ESRRB: variants seen among roughly 807,000 people sequenced by gnomAD.
ESRRB encodes the protein estrogen related receptor beta.
A neutral mutation model predicts 46.0 loss-of-function variants in ESRRB; 16 were observed. The ratio of observed to expected loss-of-function variants is 0.35; its 90% confidence interval spans 0.24 to 0.53. The LOEUF is 0.53. Among genes scored for constraint, ESRRB ranks in the 20% least tolerant of loss-of-function variants. The pLI is 0.93. For synonymous variants in ESRRB, 246 were observed against 259.6 expected, an observed-to-expected ratio of 0.95 and a Z score of 0.50; for missense variants, 488 against 607.4, an observed-to-expected ratio of 0.80 and a Z score of 2.07.
intron 3 of ESRRB, among the ~76,000 whole-genome samples, chr14:76,464,221 G>A (rs577844325): frequency 6.6e-6 from 1 of 152,310 alleles, no homozygotes; most frequent in East Asian, 1.9e-4. Context: ...CGAAGGGACA[G>A]GTTTGGAATC....
rs1566620948 is a variant in ESRRB, at chr14:76,499,684, C to T, written c.*1226C>T. On this transcript the variant is annotated 3_prime_UTR_variant, in exon 7 of 7. Transcript: ENST00000644823. ...CGCCAGCTCTCTGGCAGGACCCCTGCAGTCCCCCTGGCTGTGCCAGGTAAC... is the reference window on the plus strand; with the variant it reads ...CGCCAGCTCTCTGGCAGGACCCCTGTAGTCCCCCTGGCTGTGCCAGGTAAC... 3 of 678,226 alleles carry T rather than the reference C, an allele frequency of 4.4e-6. No individual in the cohort carries two copies. The highest frequency in any genetic ancestry group is 5.3e-6 in the Non-Finnish European group (2 of 374,794). 42.0% of individuals were successfully genotyped at this position (678,226 alleles called of 1,614,324 possible).
chr14:76,452,626 A>AAAAAAAAAAAACAAAAAAAAAAC (rs369877913), intron 2 of ESRRB, among the ~76,000 whole-genome samples: 1 of 124,278 alleles, frequency 8.0e-6, no homozygotes, highest in Non-Finnish European at 1.6e-5. Flanking sequence ...TCTCCAAAAA[A>AAAAAAAAAAAACAAAAAAAAAAC]AAAAACAAAA....
chr14:76,358,424 A>G (rs1005003435), intron 1 of ESRRB, among the ~76,000 whole-genome samples: 3 of 150,022 alleles, frequency 2.0e-5, no homozygotes, highest in African/African-American at 4.9e-5. Flanking sequence ...AAGAAAAGAA[A>G]AAGAAAAAAA....
chr14:76,337,999 C>A (rs559604301), intron 1 of ESRRB, among the ~76,000 whole-genome samples: 4 of 152,190 alleles, frequency 2.6e-5, no homozygotes, highest in African/African-American at 9.6e-5. Flanking sequence ...AGGTTTTATT[C>A]CCGAGCTGCC....
rs191406475 is a variant in ESRRB at position 76,486,774 on chromosome 14, G to A, written c.850+4015G>A. The stretch of plus-strand genomic sequence containing the variant: ...AGGCAGTGCTGCCTGCAGTGAGCCC[G>A]GCACAGGGACACCCCTGCACTCCCA... On this transcript the variant is annotated intron_variant, in intron 5 of 6. Coordinates refer to ENST00000644823, the MANE Select transcript of ESRRB (RefSeq NM_001379180.1). Among the ~76,000 whole-genome samples, 347 of 152,206 alleles carry A rather than the reference G, an allele frequency of 2.3e-3. 4 individuals carry two copies. The highest frequency in any genetic ancestry group is 6.8e-3 in the Middle Eastern group (2 of 294).
At chr14:76,478,134 C>A (rs1889653743) in intron 3 of ESRRB, among the ~76,000 whole-genome samples, 1 of 152,188 alleles carries the variant, frequency 6.6e-6, no homozygotes, top group African/African-American at 2.4e-5. Flanking sequence ...ATCCCATTTT[C>A]TAAGCACATG....
intron 2 of ESRRB, among the ~76,000 whole-genome samples, chr14:76,455,327 C>A (rs1289253392): frequency 6.6e-6 from 1 of 152,192 alleles, no homozygotes; most frequent in Admixed American, 6.5e-5. Flanking sequence ...TCTCTTCTAT[C>A]ATTTAGTAAT....
At chr14:76,363,427 C>T (rs1884486891) in intron 1 of ESRRB, among the ~76,000 whole-genome samples, 2 of 152,164 alleles carry the variant, frequency 1.3e-5, no homozygotes, top group East Asian at 3.9e-4. Context: ...CTTTTCTTCA[C>T]CTCCTCCTTC....
Position 76,482,541 on chromosome 14 carries a change from A to C in ESRRB, c.689-57A>C, listed in dbSNP as rs1204025461. The stretch of plus-strand genomic sequence containing the variant: ...TGCTTCCTGACCCATCTGAGCCTCC[A>C]CCCCGGCCCCTTTCCTCTTTTCCCA... On this transcript the variant is annotated intron_variant, in intron 4 of 6. Coordinates refer to ENST00000644823, the MANE Select transcript of ESRRB (RefSeq NM_001379180.1). The surrounding 1 kb of genome is among the most constrained non-coding windows in gnomAD (Gnocchi z 4.3). 1.2e-6 allele frequency: 2 copies of C among 1,604,442 alleles called. No individual in the cohort carries two copies. The highest frequency in any genetic ancestry group is 1.7e-5 in the Admixed American group (1 of 59,914).
chr14:76,349,579 A>C (rs900049185), intron 1 of ESRRB, among the ~76,000 whole-genome samples: 14 of 152,182 alleles, frequency 9.2e-5, no homozygotes, highest in Admixed American at 9.2e-4. Context: ...AGAATGAATG[A>C]ATGAATGAGA....
intron 1 of ESRRB, among the ~76,000 whole-genome samples, chr14:76,436,127 T>C (rs1200888502): frequency 6.6e-6 from 1 of 152,188 alleles, no homozygotes; most frequent in Non-Finnish European, 1.5e-5. Flanking sequence ...CTTTGCACCC[T>C]TCTGAATCAA....
chr14:76,424,731 T>C (rs1887124150), intron 1 of ESRRB, among the ~76,000 whole-genome samples: 2 of 150,958 alleles, frequency 1.3e-5, no homozygotes, highest in African/African-American at 5.0e-5. Context: ...GTTCTAATGC[T>C]CTTTTTTGTT....
At chr14:76,329,094 G>A (rs1194633276) in intron 1 of ESRRB, among the ~76,000 whole-genome samples, 1 of 152,098 alleles carries the variant, frequency 6.6e-6, no homozygotes, top group Non-Finnish European at 1.5e-5. Flanking sequence ...GTATTTTATG[G>A]TATTTAGGAA....
At chr14:76,323,724 G>C (rs2139729188) in intron 1 of ESRRB, among the ~76,000 whole-genome samples, 1 of 152,338 alleles carries the variant, frequency 6.6e-6, no homozygotes, top group South Asian at 2.1e-4. Context: ...GCTGCAGGGT[G>C]ACAGCATATT....
At chr14:76,497,038 G>A (rs907218769) in intron 6 of ESRRB, among the ~76,000 whole-genome samples, 7 of 152,174 alleles carry the variant, frequency 4.6e-5, no homozygotes, top group African/African-American at 1.7e-4. Context: ...TGCCAATTTT[G>A]TCCTCCTTGG....
chr14:76,415,320 G>GT (rs1886650098), intron 1 of ESRRB, among the ~76,000 whole-genome samples: 1 of 152,206 alleles, frequency 6.6e-6, no homozygotes, highest in Non-Finnish European at 1.5e-5. Flanking sequence ...TCTATGTGCT[G>GT]AGTACAGTGG....
chr14:76,431,803 G>A (rs1887459041), intron 1 of ESRRB, among the ~76,000 whole-genome samples: 2 of 152,114 alleles, frequency 1.3e-5, no homozygotes. Flanking sequence ...GGGGAACTGG[G>A]TCCCAGCCAA....
At chr14:76,352,376 C>T (rs1467807978) in intron 1 of ESRRB, among the ~76,000 whole-genome samples, 1 of 152,192 alleles carries the variant, frequency 6.6e-6, no homozygotes, top group Non-Finnish European at 1.5e-5. Flanking sequence ...GGGGCAGCTG[C>T]AGTAGTGATG....
chr14:76,467,476 G>C (rs1889166076), intron 3 of ESRRB, among the ~76,000 whole-genome samples: 1 of 149,434 alleles, frequency 6.7e-6, no homozygotes, highest in Non-Finnish European at 1.5e-5. Context: ...ATTCCAGCCT[G>C]GGCGACAGTG....
Sources: gnomAD v4.1 joint callset for allele counts (sites outside exome capture counted in the v4.1 genomes callset) on GRCh38, gnomAD v4.1.1 for gene constraint, Gnocchi (gnomAD v3.1) non-coding constraint, MANE v1.5 for transcripts, NCBI Gene and HGNC (gene_info 2026-07-23, HGNC 2026-07-21) for gene names.